The following DIP2B variants were observed in gnomAD, a reference collection of about 807,000 sequenced individuals.
DIP2B encodes the protein DIP2 acetate--CoA ligase B (putative).
DIP2B carries 76 observed loss-of-function variants against 198.0 expected under a neutral mutation model. The observed-to-expected ratio is 0.38, with a 90% confidence interval of 0.32 to 0.46. The LOEUF (loss-of-function observed/expected upper bound fraction) is 0.46, where lower values mean the gene tolerates loss of function less well. DIP2B is among the 20% of genes least tolerant of loss of function. The pLI, the probability that DIP2B is intolerant of heterozygous loss-of-function variation, is 0.99. For synonymous variants in DIP2B, 701 were observed against 739.1 expected (o/e 0.95, Z 0.84); for missense variants, 1,559 against 1,978.4 (o/e 0.79, Z 4.02).
chr12:50,556,023 C>T (rs1304952439), intron 1 of DIP2B, among the ~76,000 whole-genome samples: 1 of 152,112 alleles, frequency 6.6e-6, no homozygotes, highest in Non-Finnish European at 1.5e-5. Flanking sequence ...TTCTTGCTAT[C>T]TATTGTCCCG....
chr12:50,555,698 CT>C (rs1358790168), intron 1 of DIP2B, among the ~76,000 whole-genome samples: 1 of 152,092 alleles, frequency 6.6e-6, no homozygotes, highest in Admixed American at 6.5e-5. Flanking sequence ...TTAATACTTA[CT>C]TTTTCCATCT....
At chr12:50,505,671 T>C (rs1441346656) in intron 1 of DIP2B, among the ~76,000 whole-genome samples, 2 of 152,026 alleles carry the variant, frequency 1.3e-5, no homozygotes, top group Non-Finnish European at 2.9e-5. Context: ...CTTCCCCCTT[T>C]CAAAAAGAGA....
At chr12:50,540,368 C>T (rs1958312248) in intron 1 of DIP2B, among the ~76,000 whole-genome samples, 1 of 151,556 alleles carries the variant, frequency 6.6e-6, no homozygotes, top group Non-Finnish European at 1.5e-5. Flanking sequence ...CTTGGCCTCC[C>T]AAAGTGCTGG....
At chr12:50,682,432 A>G (rs1939056954) in intron 9 of DIP2B, among the ~76,000 whole-genome samples, 1 of 152,136 alleles carries the variant, frequency 6.6e-6, no homozygotes, top group African/African-American at 2.4e-5. Context: ...GATCGAGACC[A>G]TCCTGGCTAA....
intron 1 of DIP2B, among the ~76,000 whole-genome samples, chr12:50,534,687 A>G (rs1177015699): frequency 2.6e-5 from 4 of 152,158 alleles, no homozygotes; most frequent in African/African-American, 9.7e-5. Flanking sequence ...AGAGAAATCA[A>G]CTGGACAGCA....
chr12:50,632,625 C>T lies in DIP2B; in HGVS notation c.172+6578C>T, dbSNP rs943040177. Among the ~76,000 whole-genome samples the T allele has an allele frequency of 5.9e-5, 9 of 151,530 alleles. No homozygotes were observed. In the East Asian group the frequency reaches 1.4e-3, roughly 23 times the overall value. ...GATCTCGGCTCACTGCAACCTCCAC[C>T]TCCCGGGATCAAGTGATTCTCCTGC... On this transcript the variant is annotated intron_variant, in intron 2 of 37. Coordinates refer to ENST00000301180, the MANE Select transcript of DIP2B (RefSeq NM_173602.3).
At chr12:50,511,675 C>G (rs1483950354) in intron 1 of DIP2B, among the ~76,000 whole-genome samples, 1 of 151,630 alleles carries the variant, frequency 6.6e-6, no homozygotes, top group Non-Finnish European at 1.5e-5. Flanking sequence ...TGAGGCCAGG[C>G]GCAGTGGCTC....
At chr12:50,526,049 TA>T (rs1958161874) in intron 1 of DIP2B, among the ~76,000 whole-genome samples, 1 of 152,216 alleles carries the variant, frequency 6.6e-6, no homozygotes, top group African/African-American at 2.4e-5. Flanking sequence ...TCTTCCTCAG[TA>T]AAATGTTTGT....
intron 37 of DIP2B, among the ~76,000 whole-genome samples, chr12:50,743,955 G>A (rs1022423244): frequency 6.6e-6 from 1 of 152,132 alleles, no homozygotes; most frequent in African/African-American, 2.4e-5. Flanking sequence ...TCTGTGCCCT[G>A]GGCTACCCCA....
intron 1 of DIP2B, among the ~76,000 whole-genome samples, chr12:50,586,333 G>A (rs1432225390): frequency 6.6e-6 from 1 of 152,198 alleles, no homozygotes; most frequent in African/African-American, 2.4e-5. Flanking sequence ...AGGATGTAGA[G>A]AGGCAGGTCC....
chr12:50,545,592 GT>G (rs1958370238), intron 1 of DIP2B, among the ~76,000 whole-genome samples: 1 of 151,702 alleles, frequency 6.6e-6, no homozygotes, highest in Non-Finnish European at 1.5e-5. Flanking sequence ...GGCCAGGCTG[GT>G]CTTGAGCTCC....
At chr12:50,612,603 A>G (rs1565844771) in intron 1 of DIP2B, among the ~76,000 whole-genome samples, 1 of 151,678 alleles carries the variant, frequency 6.6e-6, no homozygotes, top group African/African-American at 2.4e-5. Flanking sequence ...TAATTTTTGT[A>G]TTTTTATTAG....
At chr12:50,571,088 C>G (rs543904650) in intron 1 of DIP2B, among the ~76,000 whole-genome samples, 24 of 151,638 alleles carry the variant, frequency 1.6e-4, no homozygotes, top group Non-Finnish European at 3.5e-4. Context: ...AAAGAAAATG[C>G]CATCGCAATG....
At chr12:50,626,630 G>A (rs367774298) in intron 2 of DIP2B, among the ~76,000 whole-genome samples, 1 of 152,124 alleles carries the variant, frequency 6.6e-6, no homozygotes, top group African/African-American at 2.4e-5. Flanking sequence ...TATTTTTAAA[G>A]TTACTCAGAT....
At chr12:50,728,129 C>G (rs1939969583) in intron 29 of DIP2B, among the ~76,000 whole-genome samples, 1 of 152,152 alleles carries the variant, frequency 6.6e-6, no homozygotes, top group African/African-American at 2.4e-5. Context: ...GCCTGTTATC[C>G]CAGCTCCTTG....
intron 1 of DIP2B, among the ~76,000 whole-genome samples, chr12:50,532,940 C>T (rs1298517131): frequency 2.0e-5 from 3 of 152,146 alleles, no homozygotes; most frequent in Admixed American, 6.6e-5. Context: ...TGGCCCTCAC[C>T]GGGCTGGTTT....
intron 2 of DIP2B, among the ~76,000 whole-genome samples, chr12:50,639,773 A>G (rs758968292): frequency 6.6e-6 from 1 of 152,182 alleles, no homozygotes; most frequent in Non-Finnish European, 1.5e-5. Context: ...GAAATCCTGC[A>G]ATATGTGACA....
chr12:50,705,076 G>T (rs113149663), intron 20 of DIP2B, among the ~76,000 whole-genome samples: 20 of 152,308 alleles, frequency 1.3e-4, no homozygotes, highest in African/African-American at 4.8e-4. Context: ...TGATGAGCCA[G>T]AGGATGGCAG....
chr12:50,674,587 C>T lies in DIP2B; in HGVS notation c.754C>T (p.His252Tyr). 6.2e-7 allele frequency: 1 copy of T among 1,614,218 alleles called. No homozygotes were observed. The highest frequency in any genetic ancestry group is 8.5e-7 in the Non-Finnish European group (1 of 1,180,044). ...CCCCTCGGGGATAGTTAAAGGCATG[C>T]ACAAAGGATCCAACAGGTCCAGCCT... is the stretch of plus-strand genomic sequence containing the variant. The part of the protein sequence containing the change: ...LPPSGIVKGM[H>Y]KGSNRSSLMD... Residue 252 changes from histidine to tyrosine, a missense_variant, in exon 6 of 38, where the codon CAC becomes TAC. Physicochemically the swap from His to Tyr is moderately conservative, Grantham distance 83 (BLOSUM62 2). Transcript: ENST00000301180.
Sources: gnomAD v4.1 joint callset for allele counts (sites outside exome capture counted in the v4.1 genomes callset) on GRCh38, gnomAD v4.1.1 for gene constraint, MANE v1.5 for transcripts, NCBI Gene and HGNC (gene_info 2026-07-23, HGNC 2026-07-21) for gene names.